Variants in NEBL observed in about 807,000 individuals in gnomAD.
NEBL encodes the protein LIM and SH3 protein 2.
Under a neutral mutation model 140.2 loss-of-function variants are expected in NEBL, and 122 were observed. The ratio of observed to expected loss-of-function variants is 0.87; its 90% CI spans 0.75 to 1.01. The LOEUF (loss-of-function observed/expected upper bound fraction) is 1.01, where lower values mean the gene tolerates loss of function less well. Among genes scored for constraint, NEBL ranks in the 50% least tolerant of loss-of-function variants. NEBL has a pLI of 0.00. For synonymous variants in NEBL, 436 were observed against 398.9 expected (o/e 1.09, Z -1.11); for missense variants, 1,365 against 1,231.3 (o/e 1.11, Z -1.62).
chr10:21,203,793 T>C (rs1841781314), intron 3 of NEBL, among the ~76,000 whole-genome samples: 2 of 152,184 alleles, frequency 1.3e-5, no homozygotes, highest in African/African-American at 4.8e-5. Context: ...CCTTCCCACC[T>C]GATGGGTCTG....
At chr10:21,027,386 G>A (rs1833552416) in intron 2 of NEBL, among the ~76,000 whole-genome samples, 1 of 150,848 alleles carries the variant, frequency 6.6e-6, no homozygotes, top group South Asian at 2.1e-4. Context: ...GAAGTGCAGT[G>A]GCAGGATCAC....
intron 2 of NEBL, among the ~76,000 whole-genome samples, chr10:21,159,923 G>A (rs1418869614): frequency 6.6e-6 from 1 of 152,114 alleles, no homozygotes; most frequent in Non-Finnish European, 1.5e-5. Context: ...TTCCCCTGCT[G>A]GTCTCTTCTG....
chr10:20,859,748 T>C lies in NEBL; in HGVS notation c.763A>G (p.Arg255Gly), dbSNP rs1843471887. The C allele has an allele frequency of 6.2e-7, 1 of 1,603,728 alleles. No individual in the cohort carries two copies. Among genetic ancestry groups the C allele is most frequent in the Non-Finnish European group, 8.5e-7 (1 of 1,171,408 alleles). The change falls in exon 8 of 28, where the codon AGG (arginine) becomes GGG (glycine). Residue 255 changes from arginine (R) to glycine (G), a missense_variant. Arg to Gly is a moderately radical substitution (Grantham distance 125). Coordinates refer to ENST00000377122, the MANE Select transcript of NEBL (RefSeq NM_006393.3). ...HYNPLESASF[R>G]QNQLAATLAS... is the part of the protein sequence containing the mutation. Reference sequence around the variant, plus strand: ...AGTGTAGCAGCAAGCTGATTCTGCCTAAAAGAAGCACTTTCAAGAGGATTG... The same window carrying C: ...AGTGTAGCAGCAAGCTGATTCTGCCCAAAAGAAGCACTTTCAAGAGGATTG...
At chr10:21,034,644 T>C (rs1284865136) in intron 2 of NEBL, among the ~76,000 whole-genome samples, 2 of 152,332 alleles carry the variant, frequency 1.3e-5, no homozygotes, top group East Asian at 3.9e-4. Flanking sequence ...GTTAAAGAAC[T>C]GTCCTTGGGG....
chr10:21,062,825 G>A (rs1005491008), intron 2 of NEBL, among the ~76,000 whole-genome samples: 1 of 152,170 alleles, frequency 6.6e-6, no homozygotes, highest in Non-Finnish European at 1.5e-5. Context: ...TTGAAATGTG[G>A]TCTCTGGAAG....
intron 1 of NEBL, among the ~76,000 whole-genome samples, chr10:21,268,216 C>A (rs959922083): frequency 6.6e-6 from 1 of 152,210 alleles, no homozygotes; most frequent in African/African-American, 2.4e-5. Context: ...TGCCTGTAAT[C>A]CCAGCACTTT....
chr10:21,147,946 G>C (rs1055737844), intron 2 of NEBL, among the ~76,000 whole-genome samples: 6 of 152,124 alleles, frequency 3.9e-5, no homozygotes, highest in African/African-American at 1.4e-4. Flanking sequence ...TTGTCTTTAG[G>C]CAGTGATGAT....
intron 2 of NEBL, among the ~76,000 whole-genome samples, chr10:21,077,139 T>C (rs1281369048): frequency 2.0e-5 from 3 of 152,144 alleles, no homozygotes; most frequent in Admixed American, 6.5e-5. Context: ...AATATTATAC[T>C]CAAAATTAAG....
At chr10:21,034,068 G>T (rs1833913523) in intron 2 of NEBL, among the ~76,000 whole-genome samples, 1 of 150,008 alleles carries the variant, frequency 6.7e-6, no homozygotes, top group South Asian at 2.1e-4. Context: ...TAGGGGGGCT[G>T]AGGTGGAAGG....
intron 26 of NEBL, among the ~76,000 whole-genome samples, chr10:20,797,794 T>TA (rs1836702478): frequency 2.0e-5 from 3 of 151,976 alleles, no homozygotes; most frequent in Non-Finnish European, 4.4e-5. Context: ...GGCACAAGAA[T>TA]AAGATCAAGG....
At chr10:21,111,307 C>T (rs541324909) in intron 2 of NEBL, among the ~76,000 whole-genome samples, 1 of 152,232 alleles carries the variant, frequency 6.6e-6, no homozygotes, top group South Asian at 2.1e-4. Flanking sequence ...GCAAAAAGAA[C>T]AAAGTGGGAG....
At chr10:21,245,379 T>C (rs1347965387) in intron 3 of NEBL, among the ~76,000 whole-genome samples, 1 of 152,244 alleles carries the variant, frequency 6.6e-6, no homozygotes, top group Non-Finnish European at 1.5e-5. Flanking sequence ...GTTTTGAATA[T>C]CATACTGAAT....
In NEBL at chr10:21,186,874, A is replaced by G. The variant is rs73609226; in HGVS notation, n.349-14397T>C. Among the ~76,000 whole-genome samples the G allele has an allele frequency of 5.9e-3, 891 of 151,714 alleles. 8 individuals are homozygous for G. Among genetic ancestry groups the G allele is most frequent in the African/African-American group, 0.019 (789 of 41,326 alleles). Reference sequence around the variant, plus strand: ...ATTGATTGGAGAATAATGACAAGGGAAAAAAAAGCCTGTACATGTTCAGTA... The same window carrying G: ...ATTGATTGGAGAATAATGACAAGGGGAAAAAAAGCCTGTACATGTTCAGTA... On this transcript the variant is annotated intron_variant and non_coding_transcript_variant, in intron 3 of 8. Transcript: ENST00000675702.
At chr10:21,159,496 C>T (rs150865857) in intron 2 of NEBL, among the ~76,000 whole-genome samples, 108 of 152,334 alleles carry the variant, frequency 7.1e-4, no homozygotes, top group Non-Finnish European at 1.4e-3. Context: ...GCTACCCCAT[C>T]GACCAATTCT....
chr10:20,944,661 T>C (rs748727406), intron 4 of NEBL, among the ~76,000 whole-genome samples: 1 of 152,218 alleles, frequency 6.6e-6, no homozygotes, highest in Middle Eastern at 3.2e-3. Context: ...CAGGCTTGTA[T>C]CACAGTTGGA....
intron 2 of NEBL, among the ~76,000 whole-genome samples, chr10:21,160,135 A>T (rs1036010217): frequency 6.6e-6 from 1 of 152,204 alleles, no homozygotes; most frequent in African/African-American, 2.4e-5. Context: ...GTTCTTTTAC[A>T]GTCAATCAAC....
intron 1 of NEBL, among the ~76,000 whole-genome samples, chr10:21,286,541 C>G (rs2132302635): frequency 6.6e-6 from 1 of 152,342 alleles, no homozygotes; most frequent in Admixed American, 6.5e-5. Context: ...TGGATTCAGA[C>G]TATAGCTATA....
chr10:21,214,171 A>G lies in NEBL; in HGVS notation n.348+33750T>C, dbSNP rs1841955373. On this transcript the variant is annotated intron_variant and non_coding_transcript_variant, in intron 3 of 8. Coordinates refer to the NEBL transcript ENST00000675702. ...TATAATATATATGTATAAGTATATG[A>G]TATAGATGTATATATATCATATATG... is the stretch of plus-strand genomic sequence containing the variant. Among the ~76,000 whole-genome samples the G allele has an allele frequency of 2.0e-5, 3 of 151,418 alleles. No homozygotes were observed. In the South Asian group the frequency reaches 6.2e-4, roughly 31 times the overall value.
intron 1 of NEBL, among the ~76,000 whole-genome samples, chr10:21,288,849 T>TATATATATATATATAA (rs1216184030): frequency 6.7e-5 from 6 of 88,896 alleles, no homozygotes; most frequent in African/African-American, 2.1e-4. Context: ...TATATATATA[T>TATATATATATATATAA]AAAAATTTTT....
Sources: gnomAD v4.1 joint callset for allele counts (sites outside exome capture counted in the v4.1 genomes callset) on GRCh38, gnomAD v4.1.1 for gene constraint, MANE v1.5 for transcripts, NCBI Gene and HGNC (gene_info 2026-07-23, HGNC 2026-07-21) for gene names.